The following CTNND2 variants were observed in gnomAD, a reference collection of about 807,000 sequenced individuals.
CTNND2 encodes the protein catenin delta-2.
In CTNND2, 22 loss-of-function variants were observed where a neutral mutation model predicts 144.4. The ratio of observed to expected loss-of-function variants is 0.15; its 90% CI spans 0.11 to 0.22. The LOEUF (loss-of-function observed/expected upper bound fraction) is 0.22. Ranked by LOEUF, CTNND2 falls within the 10% of genes least tolerant of loss-of-function variation. CTNND2 has a pLI of 1.00. For synonymous variants in CTNND2, 751 were observed against 695.6 expected (o/e 1.08, Z -1.25); for missense variants, 1,353 against 1,618.8 (o/e 0.84, Z 2.82).
At chr5:10,992,865 T>C (rs182961463) in intron 18 of CTNND2, among the ~76,000 whole-genome samples, 188 bp from the exon 19 acceptor site, 58 of 152,228 alleles carry the variant, frequency 3.8e-4, no homozygotes, top group African/African-American at 1.3e-3. Flanking sequence ...CCTCCTTCCC[T>C]CCAGAGAGCC....
At position 11,260,445 on chromosome 5, in the gene CTNND2, T is replaced by C. The variant is rs572950153; in HGVS notation, c.1629-23622A>G. 7.2e-5 allele frequency among the ~76,000 whole-genome samples: 11 copies of C among 152,162 alleles called. No homozygotes were observed. In the East Asian group the frequency reaches 1.7e-3, roughly 24 times the overall value. On this transcript the variant is annotated intron_variant, in intron 9 of 21. Transcript: ENST00000304623. Reference sequence around the variant, plus strand: ...CGAAAACCCAATGAAAAAAAACCAGTAAAATTATCTTTTACAATATCAAAA... The same window carrying C: ...CGAAAACCCAATGAAAAAAAACCAGCAAAATTATCTTTTACAATATCAAAA...
At chr5:11,220,576 T>C (rs968361010) in intron 10 of CTNND2, among the ~76,000 whole-genome samples, 3 of 152,178 alleles carry the variant, frequency 2.0e-5, no homozygotes, top group African/African-American at 7.2e-5. Flanking sequence ...TTTGATCACC[T>C]GGGGTCAGTA....
intron 3 of CTNND2, among the ~76,000 whole-genome samples, chr5:11,516,401 C>A (rs939296896): frequency 3.6e-4 from 54 of 151,842 alleles, no homozygotes; most frequent in African/African-American, 1.3e-3. Flanking sequence ...AGAAGTAAGA[C>A]AACCTCCATT....
chr5:11,528,562 C>G (rs1219990550), intron 3 of CTNND2, among the ~76,000 whole-genome samples: 1 of 152,132 alleles, frequency 6.6e-6, no homozygotes, highest in East Asian at 1.9e-4. Context: ...TGGAAAATAC[C>G]AAAAGGGAGG....
At chr5:11,563,386 A>G (rs1038897120) in intron 3 of CTNND2, among the ~76,000 whole-genome samples, 6 of 152,230 alleles carry the variant, frequency 3.9e-5, no homozygotes, top group Non-Finnish European at 8.8e-5. Context: ...CTTTAATAGG[A>G]AGCTCTTCAT....
At chr5:11,172,708 C>T (rs183669582) in intron 11 of CTNND2, among the ~76,000 whole-genome samples, 94 of 152,234 alleles carry the variant, frequency 6.2e-4, no homozygotes, top group East Asian at 5.6e-3. Context: ...CAAAGGTTGA[C>T]GTTAAGAGAA....
intron 2 of CTNND2, among the ~76,000 whole-genome samples, chr5:11,630,248 G>A (rs566561812): frequency 2.0e-5 from 3 of 152,174 alleles, no homozygotes; most frequent in Non-Finnish European, 4.4e-5. Flanking sequence ...ATACAGTGCT[G>A]TGACAAATGT....
chr5:11,828,911 T>C (rs1793743487), intron 1 of CTNND2, among the ~76,000 whole-genome samples: 1 of 152,140 alleles, frequency 6.6e-6, no homozygotes, highest in South Asian at 2.1e-4. Context: ...AAAATGCTGA[T>C]AATGATATGG....
At chr5:11,718,891 T>C (rs1311653005) in intron 2 of CTNND2, among the ~76,000 whole-genome samples, 1 of 152,204 alleles carries the variant, frequency 6.6e-6, no homozygotes, top group African/African-American at 2.4e-5. Flanking sequence ...TTGGATTTCC[T>C]GATTTAATCC....
At chr5:11,824,141 ATAAAAAATTAAATGTT>A (rs1324669165) in intron 1 of CTNND2, among the ~76,000 whole-genome samples, 1 of 151,448 alleles carries the variant, frequency 6.6e-6, no homozygotes, top group Admixed American at 6.6e-5. Context: ...TTAAATACTG[ATAAAAAATTAAATGTT>A]TAAAAAATTA....
intron 20 of CTNND2, among the ~76,000 whole-genome samples, chr5:10,986,087 G>T (rs1737914720): frequency 6.6e-6 from 1 of 152,190 alleles, no homozygotes; most frequent in African/African-American, 2.4e-5. Context: ...ATGATTGAGA[G>T]TGTACTCCTG....
chr5:11,375,993 A>T (rs1757890093), intron 7 of CTNND2, among the ~76,000 whole-genome samples: 1 of 152,058 alleles, frequency 6.6e-6, no homozygotes, highest in Non-Finnish European at 1.5e-5. Context: ...GGAGGTGATG[A>T]GGTCATGAGG....
chr5:11,745,390 C>A (rs1788252588), intron 1 of CTNND2, among the ~76,000 whole-genome samples: 1 of 152,118 alleles, frequency 6.6e-6, no homozygotes, highest in Admixed American at 6.6e-5. Context: ...GAGGCTAGTA[C>A]AATGAGGCTG....
chr5:11,034,202 T>C (rs1003180612), intron 16 of CTNND2, among the ~76,000 whole-genome samples: 1 of 152,246 alleles, frequency 6.6e-6, no homozygotes, highest in Admixed American at 6.5e-5. Context: ...ATCTGTTTTA[T>C]AAAAGATTAG....
intron 7 of CTNND2, among the ~76,000 whole-genome samples, chr5:11,369,858 G>A (rs911761945): frequency 3.9e-5 from 6 of 152,192 alleles, no homozygotes; most frequent in African/African-American, 1.4e-4. Flanking sequence ...GAGCCTCACT[G>A]GAGAAAGAGC....
chr5:11,600,787 G>A (rs1049825647), intron 2 of CTNND2, among the ~76,000 whole-genome samples: 4 of 151,118 alleles, frequency 2.6e-5, no homozygotes, highest in Admixed American at 6.6e-5. Context: ...CCCAGACAAC[G>A]ATGTTAGTAA....
intron 2 of CTNND2, among the ~76,000 whole-genome samples, chr5:11,623,137 C>A (rs928646204): frequency 6.6e-6 from 1 of 152,130 alleles, no homozygotes; most frequent in Admixed American, 6.6e-5. Flanking sequence ...AGCCTCCAGA[C>A]AGGCTCTTTA....
intron 1 of CTNND2, among the ~76,000 whole-genome samples, chr5:11,886,787 C>T (rs1736569059): frequency 6.6e-6 from 1 of 151,754 alleles, no homozygotes; most frequent in Non-Finnish European, 1.5e-5. Context: ...ACATTTTTGG[C>T]CTTGTAAATG....
At chr5:11,801,857 T>C (rs10474935) in intron 1 of CTNND2, among the ~76,000 whole-genome samples, 12,985 of 152,184 alleles carry the variant, frequency 0.085, 1,629 homozygotes, top group African/African-American at 0.27. Flanking sequence ...AAATAAGCAA[T>C]TGCATTCTTG....
Sources: allele counts gnomAD v4.1 joint callset (sites outside exome capture counted in the v4.1 genomes callset), GRCh38; gene constraint gnomAD v4.1.1; transcripts MANE v1.5; gene names NCBI Gene and HGNC (gene_info 2026-07-23, HGNC 2026-07-21).